LCOR: variants seen among roughly 807,000 people sequenced by gnomAD.
LCOR encodes ligand-dependent corepressor.
Under a neutral mutation model 64.4 loss-of-function variants are expected in LCOR, and 14 were observed. That is an observed-to-expected ratio of 0.22 (90% confidence interval 0.14 to 0.34). LCOR has a LOEUF of 0.34. LCOR is among the 10% of genes least tolerant of loss of function. The pLI, the probability that LCOR is intolerant of heterozygous loss-of-function variation, is 1.00. For missense variants in LCOR, 1,686 were observed against 1,765.3 expected, an observed-to-expected ratio of 0.96 and a Z score of 0.80; for synonymous variants, 643 against 642.5, an observed-to-expected ratio of 1.00 and a Z score of -0.01.
intron 7 of LCOR, among the ~76,000 whole-genome samples, chr10:96,965,523 G>A (rs1202964589): frequency 2.0e-5 from 3 of 150,666 alleles, no homozygotes; most frequent in East Asian, 2.0e-4. Context: ...TTAGCCGGGC[G>A]TGGTGGCGGG....
intron 2 of LCOR, among the ~76,000 whole-genome samples, chr10:96,842,353 C>G (rs567881456): frequency 6.6e-6 from 1 of 152,086 alleles, no homozygotes; most frequent in African/African-American, 2.4e-5. Flanking sequence ...GAGATTGCGC[C>G]TCTGCACTCC....
rs576948190 is a variant in LCOR at position 96,884,693 on chromosome 10, G to A, written c.-329-22572G>A. Among the ~76,000 whole-genome samples the A allele has an allele frequency of 5.3e-5, 8 of 152,312 alleles. No homozygotes were observed. The South Asian group carries it at 8.3e-4, about 16-fold the overall frequency. On this transcript the variant is annotated intron_variant, in intron 2 of 7. Coordinates refer to ENST00000421806, the MANE Select transcript of LCOR (RefSeq NM_001346516.2). ...TACATTTCTGTGGAACAAGCTGCCC[G>A]ATGCTGATATTGCAGGTCAGTGGAC...
chr10:96,908,685 T>C (rs1361627310), intron 4 of LCOR, among the ~76,000 whole-genome samples: 1 of 151,930 alleles, frequency 6.6e-6, no homozygotes, highest in Non-Finnish European at 1.5e-5. Flanking sequence ...ATTCCCTGTT[T>C]TAAAGCCTTG....
chr10:96,969,468 A>C (rs1402129731), intron 7 of LCOR, among the ~76,000 whole-genome samples: 1 of 152,092 alleles, frequency 6.6e-6, no homozygotes, highest in Non-Finnish European at 1.5e-5. Flanking sequence ...TAAAAGTCAT[A>C]AAGTTAACTA....
Position 96,989,695 on chromosome 10 carries a change from A to ATATATATATATATATATATTT in LCOR, c.*4562_*4563insATATATATATATATATATTTT, listed in dbSNP as rs1371771053. 1.2e-5 allele frequency: 1 copy of ATATATATATATATATATATTT among 86,190 alleles called. No homozygotes were observed. The highest frequency in any genetic ancestry group is 6.2e-5 in the African/African-American group (1 of 16,156). The allele number at this position is 86,190 out of a possible 1,614,324, so 5.3% of individuals were successfully genotyped here. A position where few individuals can be genotyped will look rare whatever the true frequency, so the allele number is the denominator to read the frequency against. ...TAAGGATATATATATATATATATAT[A>ATATATATATATATATATATTT]TTTTTTTTTTTTTTTTTTTTTTTTA... On this transcript the variant is annotated 3_prime_UTR_variant, in exon 8 of 8. Transcript: ENST00000421806.
chr10:96,911,221 C>T (rs1313551541), intron 4 of LCOR, among the ~76,000 whole-genome samples: 1 of 151,362 alleles, frequency 6.6e-6, no homozygotes, highest in East Asian at 1.9e-4. Context: ...CCTTAGCCTC[C>T]TGAGTAGCTG....
intron 2 of LCOR, among the ~76,000 whole-genome samples, chr10:96,861,318 G>A (rs904027066): frequency 4.6e-5 from 7 of 152,178 alleles, no homozygotes; most frequent in Non-Finnish European, 8.8e-5. Context: ...TCATAAGTTC[G>A]TAGTGATGAA....
intron 2 of LCOR, among the ~76,000 whole-genome samples, chr10:96,899,770 A>G (rs1432698441): frequency 6.6e-6 from 1 of 152,156 alleles, no homozygotes; most frequent in Non-Finnish European, 1.5e-5. Context: ...AAACTTAGTA[A>G]AATTTCGGCT....
At chr10:96,834,835 C>T (rs897504663) in intron 2 of LCOR, among the ~76,000 whole-genome samples, 1 of 152,268 alleles carries the variant, frequency 6.6e-6, no homozygotes, top group Non-Finnish European at 1.5e-5. Flanking sequence ...CCCATTTTTT[C>T]AGTCATTGCT....
intron 2 of LCOR, among the ~76,000 whole-genome samples, chr10:96,847,784 C>G (rs893995632): frequency 1.3e-5 from 2 of 152,114 alleles, no homozygotes; most frequent in Admixed American, 1.3e-4. Flanking sequence ...GAATTACCTA[C>G]AAACTTTGAT....
chr10:96,876,883 C>G (rs148283086), intron 2 of LCOR, among the ~76,000 whole-genome samples: 1 of 152,046 alleles, frequency 6.6e-6, no homozygotes, highest in African/African-American at 2.4e-5. Flanking sequence ...TTAGTAGAGA[C>G]AGGGTTTCAT....
At chr10:96,846,201 T>C (rs554222379) in intron 2 of LCOR, among the ~76,000 whole-genome samples, 13 of 152,058 alleles carry the variant, frequency 8.5e-5, no homozygotes, top group Middle Eastern at 3.4e-3. Context: ...AGCAAGACTC[T>C]ATCTCAAAAC....
At position 96,990,349 on chromosome 10, in the gene LCOR, G is replaced by C. The variant is rs1848189393; in HGVS notation, c.*5215G>C. The C allele has an allele frequency of 6.6e-6, 1 of 151,844 alleles. No homozygotes were observed. The allele number at this position is 151,844 out of a possible 1,614,324, so 9.4% of individuals were successfully genotyped here. A position where few individuals can be genotyped will look rare whatever the true frequency, so the allele number is the denominator to read the frequency against. Reference sequence around the variant, plus strand: ...AGAGATTTTCACACCTCAGCCTCCTGAGTAGCTGGGACTACAGGTGCATGC... The same window carrying C: ...AGAGATTTTCACACCTCAGCCTCCTCAGTAGCTGGGACTACAGGTGCATGC... On this transcript the variant is annotated 3_prime_UTR_variant, in exon 8 of 8. Coordinates refer to ENST00000421806, the MANE Select transcript of LCOR (RefSeq NM_001346516.2).
Position 96,837,549 on chromosome 10 carries a change from C to G in LCOR, c.-330+4070C>G, listed in dbSNP as rs561292407. ...GGATTACAGGCGTGAGCCACCGTGC[C>G]CGGCCGACAGATTCTTTTTTAAACC... On this transcript the variant is annotated intron_variant, in intron 2 of 7. Coordinates refer to ENST00000421806, the MANE Select transcript of LCOR (RefSeq NM_001346516.2). Among the ~76,000 whole-genome samples, 5 of 152,314 alleles carry G rather than the reference C, an allele frequency of 3.3e-5. No individual in the cohort carries two copies. The East Asian group carries it at 9.6e-4, about 29-fold the overall frequency.
chr10:96,976,687 T>C (rs944709034), intron 7 of LCOR, among the ~76,000 whole-genome samples: 3 of 152,246 alleles, frequency 2.0e-5, no homozygotes, highest in Non-Finnish European at 4.4e-5. Flanking sequence ...ACCTGTGAAC[T>C]AAATTATTAC....
chr10:96,941,242 C>G (rs1278024241), intron 4 of LCOR, among the ~76,000 whole-genome samples: 1 of 88,018 alleles, frequency 1.1e-5, no homozygotes, highest in Non-Finnish European at 2.2e-5. Context: ...GGGGGGCTGA[C>G]CCCCCCACCT....
rs74153739 is a variant in LCOR at position 96,882,304 on chromosome 10, C to T, written c.-329-24961C>T. Among the ~76,000 whole-genome samples, 1,519 of 152,172 alleles carry T rather than the reference C, an allele frequency of 1.0e-2. 22 individuals are homozygous for T. The highest frequency in any genetic ancestry group is 0.031 in the African/African-American group (1,299 of 41,480). On this transcript the variant is annotated intron_variant, in intron 2 of 7. Transcript: ENST00000421806. ...ATGTTATTTTGGTTGAAGTATGTCA[C>T]GAAAATCCAGCCTGATACAGAAAGG... is the stretch of plus-strand genomic sequence containing the variant.
At chr10:96,912,607 T>TCTTCCTTTCTTCCTTC (rs1554836476) in intron 4 of LCOR, among the ~76,000 whole-genome samples, 5 of 140,292 alleles carry the variant, frequency 3.6e-5, no homozygotes, top group African/African-American at 8.8e-5. Flanking sequence ...TTTCTTCCTT[T>TCTTCCTTTCTTCCTTC]CTTCCTTCCT....
At chr10:96,838,888 A>G (rs1845491633) in intron 2 of LCOR, among the ~76,000 whole-genome samples, 1 of 152,218 alleles carries the variant, frequency 6.6e-6, no homozygotes, top group Non-Finnish European at 1.5e-5. Flanking sequence ...TTAATTTCGT[A>G]GGAACTGCCA....
Sources: gnomAD v4.1 joint callset for allele counts (sites outside exome capture counted in the v4.1 genomes callset) on GRCh38, gnomAD v4.1.1 for gene constraint, MANE v1.5 for transcripts, NCBI Gene and HGNC (gene_info 2026-07-23, HGNC 2026-07-21) for gene names.